Variants in C2CD3 observed in about 807,000 individuals in gnomAD.
The protein encoded by C2CD3 is C2 domain-containing protein 3.
In C2CD3, 148 loss-of-function variants were observed where a neutral mutation model predicts 234.0. That is an observed-to-expected ratio of 0.63 (90% confidence interval 0.55 to 0.72). The LOEUF (loss-of-function observed/expected upper bound fraction) is 0.72, where lower values mean the gene tolerates loss of function less well. Ranked by LOEUF, C2CD3 falls within the 30% of genes least tolerant of loss-of-function variation. The probability of loss-of-function intolerance (pLI) is 0.00; values close to 1 mark genes in which losing one functional copy is unlikely to be tolerated. For synonymous variants in C2CD3, 1,000 were observed against 1,035.4 expected (o/e 0.97, Z 0.66); for missense variants, 2,577 against 2,811.5 (o/e 0.92, Z 1.89).
chr11:74,091,676 T>C (rs945882644), intron 19 of C2CD3, among the ~76,000 whole-genome samples: 8 of 152,220 alleles, frequency 5.3e-5, no homozygotes, highest in African/African-American at 1.9e-4. Context: ...TTACAGTGAA[T>C]TCCTGGTTCA....
At chr11:74,045,126 A>G (rs1405723747) in intron 28 of C2CD3, among the ~76,000 whole-genome samples, 1 of 152,172 alleles carries the variant, frequency 6.6e-6, no homozygotes, top group Non-Finnish European at 1.5e-5. Flanking sequence ...TCCAACTTCA[A>G]TCACTTGCAT....
intron 2 of C2CD3, among the ~76,000 whole-genome samples, chr11:74,167,510 T>C (rs1856887640): frequency 6.6e-6 from 1 of 152,250 alleles, no homozygotes; most frequent in Non-Finnish European, 1.5e-5. Flanking sequence ...AATTACAGCA[T>C]TTGTTCTTTA....
chr11:74,121,447 A>G (rs1039459281), intron 8 of C2CD3, among the ~76,000 whole-genome samples: 12 of 151,876 alleles, frequency 7.9e-5, no homozygotes, highest in African/African-American at 2.7e-4. Flanking sequence ...TCTCTAATAA[A>G]AATGCAAAAA....
intron 3 of C2CD3, among the ~76,000 whole-genome samples, chr11:74,146,945 T>A (rs1590936205): frequency 6.6e-6 from 1 of 151,564 alleles, no homozygotes; most frequent in South Asian, 2.1e-4. Context: ...CCCAGCTACT[T>A]GGGAGGCTGA....
chr11:74,170,975 C>T lies in C2CD3; in HGVS notation c.-183G>A. 2.2e-6 allele frequency: 3 copies of T among 1,360,706 alleles called. No individual in the cohort carries two copies. Among genetic ancestry groups the T allele is most frequent in the South Asian group, 1.3e-5 (1 of 75,384 alleles). The allele number at this position is 1,360,706 out of a possible 1,614,324, so 84.3% of individuals were successfully genotyped here. On this transcript the variant is annotated 5_prime_UTR_variant, in exon 1 of 33. Coordinates refer to ENST00000334126, the MANE Select transcript of C2CD3 (RefSeq NM_001286577.2). ...CGGAAAACGGTGCGAAGAGAAGGCGCCAAGACGCCTTCCCTCCAATACACT... is the reference window on the plus strand; with the variant it reads ...CGGAAAACGGTGCGAAGAGAAGGCGTCAAGACGCCTTCCCTCCAATACACT...
chr11:74,138,794 C>T lies in C2CD3; in HGVS notation c.881G>A (p.Arg294Lys). 6.2e-7 allele frequency: 1 copy of T among 1,613,612 alleles called. No homozygotes were observed. Among genetic ancestry groups the T allele is most frequent in the Non-Finnish European group, 8.5e-7 (1 of 1,179,544 alleles). ...GTCACTGTGACTCTTGGCAACTGTT[C>T]TAATTTGAGGCTGGAATTCAGAACT... ...LNSSEFQPQIRTVAKSHSDSC... is the reference protein window; with the variant it reads ...LNSSEFQPQIKTVAKSHSDSC... The change falls in exon 5 of 33, where the codon AGA (arginine) becomes AAA (lysine). Residue 294 changes from arginine to lysine, a missense_variant. Coordinates refer to ENST00000334126, the MANE Select transcript of C2CD3 (RefSeq NM_001286577.2).
Position 74,070,208 on chromosome 11 carries a change from G to A in C2CD3, c.4951+4045C>T, listed in dbSNP as rs568601297. Among the ~76,000 whole-genome samples the A allele has an allele frequency of 4.6e-5, 7 of 152,260 alleles. No homozygotes were observed. In the South Asian group the frequency reaches 1.5e-3, roughly 32 times the overall value. On this transcript the variant is annotated intron_variant, in intron 24 of 32. Transcript: ENST00000334126. ...AGTATTGAAGCTGATCTTAACCGAA[G>A]GTTCCTCAGAGCTTTTTCTAACATA...
intron 24 of C2CD3, among the ~76,000 whole-genome samples, chr11:74,069,967 C>T (rs1158288354): frequency 6.6e-6 from 1 of 152,172 alleles, no homozygotes; most frequent in Non-Finnish European, 1.5e-5. Context: ...AAAGACTATG[C>T]TAAAAGCACA....
intron 32 of C2CD3, among the ~76,000 whole-genome samples, chr11:74,021,819 G>T (rs1952097733): frequency 6.6e-6 from 1 of 152,166 alleles, no homozygotes; most frequent in Non-Finnish European, 1.5e-5. Flanking sequence ...AAGTATAAGT[G>T]AGACTGGTTA....
At chr11:74,106,072 G>C (rs959579311) in intron 13 of C2CD3, among the ~76,000 whole-genome samples, 1 of 152,148 alleles carries the variant, frequency 6.6e-6, no homozygotes, top group Non-Finnish European at 1.5e-5. Flanking sequence ...TGTTGCACCT[G>C]TTATTCTCTC....
At chr11:74,146,911 G>A (rs75904114) in intron 3 of C2CD3, among the ~76,000 whole-genome samples, 27,234 of 151,708 alleles carry the variant, frequency 0.18, 2,603 homozygotes, top group East Asian at 0.3. Flanking sequence ...AAATTAGATG[G>A]GCGTGGTGAC....
chr11:74,098,126 A>G lies in C2CD3; in HGVS notation c.2862T>C (p.Gly954=). ...NGSLRVFLAM[G]SSNQIMALQR... ...GTAGTGCCATTATTTGATTTGAAGA[A>G]CCCATAGCTAAAAAGACTCGAAGAC... The change falls in exon 16 of 33, where the codon GGT becomes GGC. Residue 954 remains glycine (G), a synonymous_variant. Transcript: ENST00000334126. 6.2e-7 allele frequency: 1 copy of G among 1,614,100 alleles called. No homozygotes were observed. Among genetic ancestry groups the G allele is most frequent in the Non-Finnish European group, 8.5e-7 (1 of 1,180,000 alleles).
intron 3 of C2CD3, 94 bp from the exon 4 acceptor site, chr11:74,139,922 T>A: frequency 1.5e-6 from 1 of 663,330 alleles, no homozygotes; most frequent in Non-Finnish European, 2.7e-6. Context: ...TGTCCCCCAT[T>A]CCCTACAGGA....
In C2CD3 at chr11:74,092,531, T is replaced by G; in HGVS notation, c.3402A>C (p.Ser1134=). 1 of 1,614,080 alleles carries G rather than the reference T, an allele frequency of 6.2e-7. No homozygotes were observed. The highest frequency in any genetic ancestry group is 8.5e-7 in the Non-Finnish European group (1 of 1,179,952). ...GGGTGGTTACCATAGCACAGATCCT[T>G]GATAATGGCAAGGTTCCTTTGGCGA... The part of the protein sequence containing the change: ...QKVAKGTLPL[S]RICAMVTTQH... The change falls in exon 19 of 33, where the codon TCA becomes TCC. Residue 1134 remains serine (S), a synonymous_variant. Transcript: ENST00000334126.
At chr11:74,092,019 T>A (rs1356867339) in intron 19 of C2CD3, among the ~76,000 whole-genome samples, 1 of 151,690 alleles carries the variant, frequency 6.6e-6, no homozygotes, top group African/African-American at 2.4e-5. Flanking sequence ...TACTGTATAT[T>A]TTATATATAT....
chr11:74,143,101 C>T (rs1260424371), intron 3 of C2CD3, among the ~76,000 whole-genome samples: 1 of 152,148 alleles, frequency 6.6e-6, no homozygotes, highest in Non-Finnish European at 1.5e-5. Flanking sequence ...CACCCCTCTT[C>T]CAAAGCCCAC....
chr11:74,125,046 T>C (rs972814592), intron 7 of C2CD3, among the ~76,000 whole-genome samples: 16 of 152,236 alleles, frequency 1.1e-4, no homozygotes, highest in African/African-American at 3.4e-4. Flanking sequence ...CATACCTATT[T>C]TGAAAGTCAA....
chr11:74,149,514 C>T (rs1409887159), intron 3 of C2CD3, among the ~76,000 whole-genome samples: 1 of 151,760 alleles, frequency 6.6e-6, no homozygotes, highest in African/African-American at 2.4e-5. Context: ...TTTTATTGTT[C>T]TTATTGTTAA....
intron 27 of C2CD3, 78 bp from the exon 28 acceptor site, chr11:74,048,416 T>C (rs1953493407): frequency 3.5e-6 from 5 of 1,436,716 alleles, no homozygotes; most frequent in Middle Eastern, 1.8e-4. Context: ...AATAAGTTTG[T>C]AAAATTTATT....
Sources: allele counts gnomAD v4.1 joint callset (sites outside exome capture counted in the v4.1 genomes callset), GRCh38; gene constraint gnomAD v4.1.1; transcripts MANE v1.5; gene names NCBI Gene and HGNC (gene_info 2026-07-23, HGNC 2026-07-21).